The following OR5D3 variants were observed in gnomAD, a reference collection of about 807,000 sequenced individuals.
OR5D3 encodes olfactory receptor 5D3.
chr11:55,725,017 G>T, the OR5D3 span, among the ~76,000 whole-genome samples: 15,489 of 151,940 alleles, frequency 0.1, 952 homozygotes, highest in African/African-American at 0.16. Context: ...TCCATTTTGT[G>T]GGTTCAGGAA....
the OR5D3 span, chr11:55,726,405 C>T: frequency 6.3e-6 from 3 of 474,438 alleles, no homozygotes; most frequent in Non-Finnish European, 1.2e-5. Context: ...TTTTCCTCAG[C>T]CACTTGTCCT....
At chr11:55,727,414 T>C in the OR5D3 span, 2 of 240,660 alleles carry the variant, frequency 8.3e-6, no homozygotes, top group Non-Finnish European at 1.6e-5. Context: ...CCAGGTCAAA[T>C]TTCAGTTCAA....
the OR5D3 span, among the ~76,000 whole-genome samples, chr11:55,725,964 G>T: frequency 5.9e-5 from 9 of 152,046 alleles, 1 homozygote; most frequent in African/African-American, 2.2e-4. Context: ...ATATAGGAAG[G>T]TATACCCTGT....
chr11:55,724,566 A>G, the OR5D3 span, among the ~76,000 whole-genome samples: 1 of 152,120 alleles, frequency 6.6e-6, no homozygotes, highest in African/African-American at 2.4e-5. Context: ...ATAACTTGAT[A>G]CATCTACCAT....
At chr11:55,727,493 T>C in the OR5D3 span, 1 of 159,380 alleles carries the variant, frequency 6.3e-6, no homozygotes, top group Non-Finnish European at 1.4e-5. Context: ...TGAGGAAGTT[T>C]ACCTGATAAC....
the OR5D3 span, chr11:55,728,288 T>C: frequency 6.6e-6 from 1 of 152,010 alleles, no homozygotes; most frequent in South Asian, 2.1e-4. Context: ...AAAGCAAGAG[T>C]TGAGAAAGTT....
At chr11:55,724,336 T>A in the OR5D3 span, among the ~76,000 whole-genome samples, 2 of 152,034 alleles carry the variant, frequency 1.3e-5, no homozygotes, top group Non-Finnish European at 2.9e-5. Context: ...TCTTTAAACT[T>A]TCTATACTTT....
chr11:55,724,439 T>C, the OR5D3 span, among the ~76,000 whole-genome samples: 1 of 152,014 alleles, frequency 6.6e-6, no homozygotes, highest in South Asian at 2.1e-4. Flanking sequence ...GTTTGCAATA[T>C]ATACAGAGGA....
the OR5D3 span, chr11:55,723,866 AG>A: frequency 2.7e-6 from 1 of 375,276 alleles, no homozygotes; most frequent in African/African-American, 2.1e-5. Flanking sequence ...GCTATCTATG[AG>A]TTTTCTTAAT....
At chr11:55,724,265 G>C in the OR5D3 span, among the ~76,000 whole-genome samples, 1 of 151,818 alleles carries the variant, frequency 6.6e-6, no homozygotes, top group African/African-American at 2.4e-5. Context: ...CTCCCACCAT[G>C]TACTCAGCAA....
chr11:55,724,342 A>G, the OR5D3 span, among the ~76,000 whole-genome samples: 1 of 152,126 alleles, frequency 6.6e-6, no homozygotes, highest in South Asian at 2.1e-4. Context: ...AACTTTCTAT[A>G]CTTTCTGAGG....
the OR5D3 span, chr11:55,726,701 T>C: frequency 2.5e-6 from 1 of 399,352 alleles, no homozygotes; most frequent in Non-Finnish European, 4.4e-6. Flanking sequence ...ACATATTTTC[T>C]GTTGACTTTA....
At chr11:55,728,119 C>T in the OR5D3 span, 1 of 151,956 alleles carries the variant, frequency 6.6e-6, no homozygotes, top group Non-Finnish European at 1.5e-5. Context: ...GAACTAGAGA[C>T]CTGTATGTAT....
the OR5D3 span, chr11:55,728,866 T>C: frequency 6.6e-6 from 1 of 152,142 alleles, no homozygotes; most frequent in African/African-American, 2.4e-5. Flanking sequence ...GTCGAGTATT[T>C]TTAAAGCTGT....
the OR5D3 span, chr11:55,728,568 G>A: frequency 6.6e-6 from 1 of 151,974 alleles, no homozygotes; most frequent in African/African-American, 2.4e-5. Flanking sequence ...CTTGTGTCTT[G>A]CCAGTCATGA....
At chr11:55,724,231 A>G in the OR5D3 span, among the ~76,000 whole-genome samples, 1 of 151,916 alleles carries the variant, frequency 6.6e-6, no homozygotes, top group Admixed American at 6.6e-5. Flanking sequence ...TTCAAATGAT[A>G]TCAATTCTGA....
chr11:55,726,560 C>T, the OR5D3 span: 6 of 408,788 alleles, frequency 1.5e-5, no homozygotes, highest in African/African-American at 1.0e-4. Flanking sequence ...TTCATGCTGG[C>T]AGCGATGGCT....
chr11:55,726,136 A>C, the OR5D3 span: 5 of 397,432 alleles, frequency 1.3e-5, no homozygotes, highest in Non-Finnish European at 2.2e-5. Context: ...TAAGTCTCTC[A>C]ATATTTCTTC....
At chr11:55,726,593 G>A in the OR5D3 span, 3 of 403,646 alleles carry the variant, frequency 7.4e-6, no homozygotes, top group African/African-American at 4.1e-5. Context: ...GTGGCAGTGT[G>A]TAACCCTCTG....
Sources: allele counts gnomAD v4.1 joint callset (sites outside exome capture counted in the v4.1 genomes callset), GRCh38; gene constraint gnomAD v4.1.1; transcripts MANE v1.5; gene names NCBI Gene and HGNC (gene_info 2026-07-23, HGNC 2026-07-21).